Variants in ARIH1 observed in about 807,000 individuals in gnomAD.
ARIH1 encodes the protein E3 ubiquitin-protein ligase ARIH1.
Under a neutral mutation model 85.0 loss-of-function variants are expected in ARIH1, and 8 were observed. That is an observed-to-expected ratio of 0.09 (90% confidence interval 0.06 to 0.17). The LOEUF (loss-of-function observed/expected upper bound fraction) is 0.17. ARIH1 is among the 10% of genes least tolerant of loss of function. The pLI is 1.00. For missense variants in ARIH1, 311 were observed against 718.1 expected (o/e 0.43, Z 6.48); for synonymous variants, 238 against 253.6 (o/e 0.94, Z 0.59).
chr15:72,570,509 C>T (rs1049170052), intron 10 of ARIH1, among the ~76,000 whole-genome samples: 1 of 152,146 alleles, frequency 6.6e-6, no homozygotes, highest in African/African-American at 2.4e-5. Flanking sequence ...TTTAGATGAA[C>T]TTTAAGGGGA....
chr15:72,582,244 T>A lies in ARIH1; in HGVS notation c.1589+57T>A. 1 of 1,193,970 alleles carries A rather than the reference T, an allele frequency of 8.4e-7. No homozygotes were observed. Among genetic ancestry groups the A allele is most frequent in the Non-Finnish European group, 1.2e-6 (1 of 816,894 alleles). The allele number at this position is 1,193,970 out of a possible 1,614,324, so 74.0% of individuals were successfully genotyped here. The stretch of plus-strand genomic sequence containing the variant: ...TTCTGCCAGTGATGATCCTTACTGG[T>A]AAAGTTCAGTGATAGTGAAACTGGG... On this transcript the variant is annotated intron_variant, in intron 13 of 13. Transcript: ENST00000379887. This position sits in a 1 kb window ranked among gnomAD's most constrained non-coding sequence, Gnocchi z 4.6.
In ARIH1 at chr15:72,563,428, A is replaced by C; in HGVS notation, c.839A>C (p.Asp280Ala). 6.2e-7 allele frequency: 1 copy of C among 1,614,020 alleles called. No homozygotes were observed. The highest frequency in any genetic ancestry group is 8.5e-7 in the Non-Finnish European group (1 of 1,179,958). Residue 280 changes from aspartate (D) to alanine (A), a missense_variant, in exon 7 of 14, where the codon GAT (aspartate) becomes GCT (alanine). Physicochemically the swap from Asp to Ala is moderately radical, Grantham distance 126. This residue lies in a region of ARIH1 where 104 missense variants were observed against 221.4 expected (regional missense o/e 0.47). Coordinates refer to ENST00000379887, the MANE Select transcript of ARIH1 (RefSeq NM_005744.5). ...NRLLKWCPAPDCHHVVKVQYP... is the reference protein window; with the variant it reads ...NRLLKWCPAPACHHVVKVQYP... The stretch of plus-strand genomic sequence containing the variant: ...CTGTTAAAGTGGTGTCCTGCCCCAG[A>C]TTGCCACCATGTTGTTAAAGTCCAA...
intron 3 of ARIH1, among the ~76,000 whole-genome samples, chr15:72,550,940 C>T (rs374407888): frequency 4.6e-5 from 7 of 152,120 alleles, no homozygotes; most frequent in African/African-American, 1.4e-4. Context: ...CCAAAGTGCT[C>T]GGATTACAGG....
intron 7 of ARIH1, chr15:72,566,273 T>A (rs1349482209): frequency 5.5e-6 from 2 of 363,918 alleles, no homozygotes; most frequent in Non-Finnish European, 9.8e-6. Context: ...TTGAAACTTC[T>A]CAATATAGTC....
chr15:72,499,715 A>T (rs1044110624), intron 1 of ARIH1, among the ~76,000 whole-genome samples: 3 of 152,140 alleles, frequency 2.0e-5, no homozygotes, highest in African/African-American at 7.2e-5. Flanking sequence ...GTTTGGGTTT[A>T]TTTATACTCC....
chr15:72,475,140 C>A, intron 1 of ARIH1, 126 bp downstream of exon 1: 1 of 1,433,546 alleles, frequency 7.0e-7, no homozygotes, highest in South Asian at 1.4e-5. Flanking sequence ...CCGGCCTTGT[C>A]TTCTCCGCTG....
In ARIH1 at chr15:72,601,856, C is replaced by T. The variant is rs146318916; in HGVS notation, c.*18564C>T. 1.3e-5 allele frequency: 2 copies of T among 152,296 alleles called. No homozygotes were observed. The highest frequency in any genetic ancestry group is 1.9e-4 in the East Asian group (1 of 5,192). 9.4% of individuals were successfully genotyped at this position (152,296 alleles called of 1,614,324 possible). A position where few individuals can be genotyped will look rare whatever the true frequency, so the allele number is the denominator to read the frequency against. On this transcript the variant is annotated 3_prime_UTR_variant, in exon 14 of 14. Coordinates refer to ENST00000379887, the MANE Select transcript of ARIH1 (RefSeq NM_005744.5). ...TACCCAGTTCTCCTCTTTAGAACCA[C>T]TTTTAGCATTTTGAATATCCTTCCA...
At chr15:72,583,059 G>A in intron 13 of ARIH1, 149 bp from the exon 14 acceptor site, 1 of 592,834 alleles carries the variant, frequency 1.7e-6, no homozygotes, top group Non-Finnish European at 3.0e-6. Flanking sequence ...TGTACATCTA[G>A]ACCTGAACAT....
chr15:72,539,961 A>G (rs1595865076), intron 2 of ARIH1, among the ~76,000 whole-genome samples: 1 of 152,164 alleles, frequency 6.6e-6, no homozygotes, highest in South Asian at 2.1e-4. Flanking sequence ...GAAAGGCTAC[A>G]TGATATAAAA....
At chr15:72,531,811 T>C (rs994424077) in intron 2 of ARIH1, among the ~76,000 whole-genome samples, 1 of 152,204 alleles carries the variant, frequency 6.6e-6, no homozygotes, top group East Asian at 1.9e-4. Context: ...AAACAGTATG[T>C]TTTAATTAAT....
Position 72,602,105 on chromosome 15 carries a change from C to T in ARIH1, c.*18813C>T, listed in dbSNP as rs891617306. ...AACCTCTATCTAGGTTGGTTTTAGG[C>T]ATTGGTTATTACAAATAATGCTGCA... On this transcript the variant is annotated 3_prime_UTR_variant, in exon 14 of 14. Coordinates refer to ENST00000379887, the MANE Select transcript of ARIH1 (RefSeq NM_005744.5). 2.6e-5 allele frequency: 4 copies of T among 152,126 alleles called. No homozygotes were observed. The East Asian group carries it at 7.7e-4, about 29-fold the overall frequency. 9.4% of individuals were successfully genotyped at this position (152,126 alleles called of 1,614,324 possible). A position where few individuals can be genotyped will look rare whatever the true frequency, so the allele number is the denominator to read the frequency against.
intron 6 of ARIH1, among the ~76,000 whole-genome samples, chr15:72,561,970 C>G (rs1366642017): frequency 2.0e-5 from 3 of 151,922 alleles, no homozygotes; most frequent in Admixed American, 2.0e-4. Flanking sequence ...GAGACTCCCT[C>G]TTAATAAAAA....
chr15:72,590,881 G>C lies in ARIH1; in HGVS notation c.*7589G>C, dbSNP rs2064340022. Reference sequence around the variant, plus strand: ...TCCAAGTCACCTGCCTTTAGCCATGGAGTATTCAAGTTTCTTTCAGAATGA... The same window carrying C: ...TCCAAGTCACCTGCCTTTAGCCATGCAGTATTCAAGTTTCTTTCAGAATGA... On this transcript the variant is annotated 3_prime_UTR_variant, in exon 14 of 14. Coordinates refer to ENST00000379887, the MANE Select transcript of ARIH1 (RefSeq NM_005744.5). 6.6e-6 allele frequency: 1 copy of C among 152,186 alleles called. No individual in the cohort carries two copies. The highest frequency in any genetic ancestry group is 2.4e-5 in the African/African-American group (1 of 41,432). The allele number at this position is 152,186 out of a possible 1,614,324, so 9.4% of individuals were successfully genotyped here.
chr15:72,545,354 A>C (rs922640691), intron 3 of ARIH1, among the ~76,000 whole-genome samples: 1 of 152,208 alleles, frequency 6.6e-6, no homozygotes, highest in African/African-American at 2.4e-5. Context: ...CGTTAATACT[A>C]TTTGCTAGGG....
intron 3 of ARIH1, 83 bp from the exon 4 acceptor site, chr15:72,555,188 C>A: frequency 1.0e-6 from 1 of 987,606 alleles, no homozygotes; most frequent in Non-Finnish European, 1.6e-6. Flanking sequence ...GAAATGTGAC[C>A]TTACAGAGCC....
intron 1 of ARIH1, among the ~76,000 whole-genome samples, chr15:72,495,849 G>T (rs926674444): frequency 9.9e-5 from 15 of 152,046 alleles, no homozygotes; most frequent in Admixed American, 3.3e-4. Context: ...GCTTATTGAG[G>T]TGTAACTATA....
chr15:72,537,975 C>G (rs1208354395), intron 2 of ARIH1, among the ~76,000 whole-genome samples: 2 of 152,100 alleles, frequency 1.3e-5, no homozygotes, highest in Non-Finnish European at 2.9e-5. Flanking sequence ...TATTTTTACT[C>G]CCTCTCAGGC....
intron 9 of ARIH1, among the ~76,000 whole-genome samples, chr15:72,569,364 G>A (rs1447117362): frequency 6.6e-6 from 1 of 152,142 alleles, no homozygotes; most frequent in African/African-American, 2.4e-5. Flanking sequence ...GATCTCTGTA[G>A]CATACTTGTT....
At chr15:72,476,935 ATTTAT>A (rs2063797454) in intron 1 of ARIH1, among the ~76,000 whole-genome samples, 2 of 152,160 alleles carry the variant, frequency 1.3e-5, no homozygotes, top group South Asian at 2.1e-4. Context: ...ATCTGAACTA[ATTTAT>A]TTAATCAATC....
Sources: gnomAD v4.1 joint callset for allele counts (sites outside exome capture counted in the v4.1 genomes callset) on GRCh38, gnomAD v4.1.1 for gene constraint, gnomAD v4.1.1 regional missense constraint, Gnocchi (gnomAD v3.1) non-coding constraint, MANE v1.5 for transcripts, NCBI Gene and HGNC (gene_info 2026-07-23, HGNC 2026-07-21) for gene names.